RALYL: variants seen among roughly 807,000 people sequenced by gnomAD.
The protein encoded by RALYL is RNA-binding Raly-like protein.
In RALYL, 29 loss-of-function variants were observed where a neutral mutation model predicts 35.1. The ratio of observed to expected loss-of-function variants is 0.83; its 90% CI spans 0.61 to 1.13. The LOEUF is 1.13. Among genes scored for constraint, RALYL ranks in the 50% most tolerant of loss-of-function variants. RALYL has a pLI of 0.00. For missense variants in RALYL, 359 were observed against 360.4 expected, an observed-to-expected ratio of 1.00 and a Z score of 0.03; for synonymous variants, 120 against 127.6, an observed-to-expected ratio of 0.94 and a Z score of 0.40.
intron 7 of RALYL, among the ~76,000 whole-genome samples, chr8:84,883,009 C>G (rs978884205): frequency 6.6e-6 from 1 of 151,916 alleles, no homozygotes; most frequent in South Asian, 2.1e-4. Context: ...ATTCATGGAA[C>G]CTATCATTGT....
intron 1 of RALYL, among the ~76,000 whole-genome samples, chr8:84,496,850 A>G (rs980343974): frequency 6.6e-6 from 1 of 152,184 alleles, no homozygotes; most frequent in Non-Finnish European, 1.5e-5. Context: ...AGCATTTATT[A>G]TAATCAATAT....
intron 2 of RALYL, among the ~76,000 whole-genome samples, chr8:84,638,965 G>GACACACACACACACACACACACACAC: frequency 8.6e-6 from 1 of 116,074 alleles, no homozygotes; most frequent in East Asian, 2.9e-4. Flanking sequence ...CACACACACA[G>GACACACACACACACACACACACACAC]ACACACACAC....
intron 2 of RALYL, chr8:84,705,815 C>T: frequency 2.0e-6 from 2 of 1,017,780 alleles, no homozygotes; most frequent in Non-Finnish European, 2.6e-6. Context: ...ACAATTTTCC[C>T]TAGAAGATTT....
At chr8:84,301,939 G>T (rs1471833037) in intron 1 of RALYL, among the ~76,000 whole-genome samples, 2 of 152,030 alleles carry the variant, frequency 1.3e-5, no homozygotes, top group East Asian at 3.9e-4. Context: ...TTTGCTAATA[G>T]AGGATTTTCA....
At chr8:84,255,557 T>G (rs1831050193) in intron 1 of RALYL, among the ~76,000 whole-genome samples, 2 of 152,132 alleles carry the variant, frequency 1.3e-5, no homozygotes, top group Admixed American at 1.3e-4. Context: ...GAAAGTTTGG[T>G]CAGGACCAGT....
chr8:84,546,479 T>A (rs979226131), intron 2 of RALYL, among the ~76,000 whole-genome samples: 1 of 152,198 alleles, frequency 6.6e-6, no homozygotes, highest in Non-Finnish European at 1.5e-5. Context: ...AAACGTCTTT[T>A]TAGCATCATG....
intron 2 of RALYL, among the ~76,000 whole-genome samples, chr8:84,666,317 AT>A (rs1483398535): frequency 6.6e-6 from 1 of 152,076 alleles, no homozygotes; most frequent in East Asian, 1.9e-4. Context: ...ATATTTATTC[AT>A]GTGAACAAAA....
At chr8:84,340,963 T>C (rs1025933744) in intron 1 of RALYL, among the ~76,000 whole-genome samples, 1 of 152,022 alleles carries the variant, frequency 6.6e-6, no homozygotes, top group Non-Finnish European at 1.5e-5. Context: ...TTTTCCATAA[T>C]TTTGCAAGTA....
At chr8:84,610,281 C>T (rs1818018185) in intron 2 of RALYL, among the ~76,000 whole-genome samples, 1 of 151,914 alleles carries the variant, frequency 6.6e-6, no homozygotes, top group South Asian at 2.1e-4. Flanking sequence ...GACTCCCAGA[C>T]TTTCTTTGTT....
chr8:84,669,000 T>C (rs1832654062), intron 2 of RALYL, among the ~76,000 whole-genome samples: 1 of 152,156 alleles, frequency 6.6e-6, no homozygotes, highest in Non-Finnish European at 1.5e-5. Flanking sequence ...CATCCATTTA[T>C]TCATTCATTC....
chr8:84,448,700 G>A (rs115808606), intron 1 of RALYL, among the ~76,000 whole-genome samples: 2,573 of 152,082 alleles, frequency 0.017, 70 homozygotes, highest in African/African-American at 0.058. Context: ...AGAACAAGTA[G>A]CTGTCTTTTT....
At chr8:84,207,769 A>G (rs1586178115) in intron 1 of RALYL, among the ~76,000 whole-genome samples, 2 of 150,998 alleles carry the variant, frequency 1.3e-5, no homozygotes, top group South Asian at 2.1e-4. Flanking sequence ...GGGTATTTTA[A>G]TTACCTTGAC....
At chr8:84,283,958 A>G (rs1837108658) in intron 1 of RALYL, among the ~76,000 whole-genome samples, 1 of 150,940 alleles carries the variant, frequency 6.6e-6, no homozygotes, top group Non-Finnish European at 1.5e-5. Flanking sequence ...ACATTAGACC[A>G]GTAAAAAAAA....
chr8:84,357,539 A>C (rs1461677420), intron 1 of RALYL, among the ~76,000 whole-genome samples: 1 of 151,936 alleles, frequency 6.6e-6, no homozygotes, highest in Non-Finnish European at 1.5e-5. Context: ...CACTGGGGAA[A>C]TGTATGCTAG....
At chr8:84,286,179 C>T (rs1391872390) in intron 1 of RALYL, among the ~76,000 whole-genome samples, 3 of 152,106 alleles carry the variant, frequency 2.0e-5, no homozygotes, top group Admixed American at 6.6e-5. Flanking sequence ...CTGCCCGCCT[C>T]GGCCTCCCAA....
intron 2 of RALYL, among the ~76,000 whole-genome samples, chr8:84,543,504 TA>T (rs11286987): frequency 0.37 from 55,495 of 150,628 alleles, 10,308 homozygotes; most frequent in South Asian, 0.51. Flanking sequence ...ATAAAAAAAA[TA>T]AAAAAAAACA....
chr8:84,564,647 G>A (rs986068479), intron 2 of RALYL, among the ~76,000 whole-genome samples: 1 of 151,396 alleles, frequency 6.6e-6, no homozygotes, highest in Non-Finnish European at 1.5e-5. Context: ...CTGAATTGTC[G>A]GTTACTTTTG....
chr8:84,914,986 A>G (rs1212575927), intron 8 of RALYL, among the ~76,000 whole-genome samples: 3 of 152,118 alleles, frequency 2.0e-5, no homozygotes, highest in Non-Finnish European at 4.4e-5. Flanking sequence ...AGAAAGCTCT[A>G]GTCTGGGCAG....
At chr8:84,469,583 C>G (rs1282438149) in intron 1 of RALYL, among the ~76,000 whole-genome samples, 1 of 152,174 alleles carries the variant, frequency 6.6e-6, no homozygotes, top group African/African-American at 2.4e-5. Context: ...GCAGAGGTTA[C>G]TGCTGTCTTT....
Sources: gnomAD v4.1 joint callset for allele counts (sites outside exome capture counted in the v4.1 genomes callset) on GRCh38, gnomAD v4.1.1 for gene constraint, MANE v1.5 for transcripts, NCBI Gene and HGNC (gene_info 2026-07-23, HGNC 2026-07-21) for gene names.